The following PCDHGA9 variants were observed in gnomAD, a reference collection of about 807,000 sequenced individuals.
PCDHGA9 encodes the protein protocadherin gamma-A9.
PCDHGA9 carries 37 observed loss-of-function variants against 62.5 expected under a neutral mutation model. That is an observed-to-expected ratio of 0.59 (90% CI 0.46 to 0.78). PCDHGA9 has a LOEUF of 0.78. PCDHGA9 is among the 30% of genes least tolerant of loss of function. The probability of loss-of-function intolerance (pLI) is 0.00; values close to 1 mark genes in which losing one functional copy is unlikely to be tolerated. For synonymous variants in PCDHGA9, 459 were observed against 484.6 expected (o/e 0.95, Z 0.69); for missense variants, 1,138 against 1,166.2 (o/e 0.98, Z 0.35).
At chr5:141,497,479 G>A (rs1028715475) in intron 2 of PCDHGA9, among the ~76,000 whole-genome samples, 5 of 151,886 alleles carry the variant, frequency 3.3e-5, no homozygotes, top group Non-Finnish European at 7.4e-5. Flanking sequence ...GAGAAGGTGC[G>A]GAACCTCTCT....
intron 1 of PCDHGA9, among the ~76,000 whole-genome samples, chr5:141,435,264 T>C (rs1442193276): frequency 5.3e-5 from 8 of 152,222 alleles, no homozygotes; most frequent in Non-Finnish European, 8.8e-5. Context: ...GATATGTCCA[T>C]TTATACTTTC....
chr5:141,439,458 C>T (rs2098114160), intron 1 of PCDHGA9, among the ~76,000 whole-genome samples: 1 of 152,214 alleles, frequency 6.6e-6, no homozygotes, highest in East Asian at 1.9e-4. Flanking sequence ...AGCAAGACTG[C>T]ACTGCTGCCT....
chr5:141,409,369 C>T, intron 1 of PCDHGA9: 1 of 1,613,986 alleles, frequency 6.2e-7, no homozygotes, highest in Non-Finnish European at 8.5e-7. Flanking sequence ...TAGAAACAGA[C>T]ATTCCATTCA....
At chr5:141,422,348 A>G (rs1163115969) in intron 1 of PCDHGA9, 1 of 1,554,608 alleles carries the variant, frequency 6.4e-7, no homozygotes, top group Non-Finnish European at 8.7e-7. Context: ...AATGTGCAAG[A>G]TCAAGATTCT....
chr5:141,417,771 C>G, intron 1 of PCDHGA9: 1 of 1,456,488 alleles, frequency 6.9e-7, no homozygotes, highest in Non-Finnish European at 9.1e-7. Flanking sequence ...CGGGACTCCT[C>G]CTGTCCTGGG....
chr5:141,486,559 G>A lies in PCDHGA9; in HGVS notation c.2425-8248G>A. ...CTTTCTTTCAGAGGTCACATGAGGTGTTTGTTCCTGAGAACAATCGCCCAG... is the reference window on the plus strand; with the variant it reads ...CTTTCTTTCAGAGGTCACATGAGGTATTTGTTCCTGAGAACAATCGCCCAG... On this transcript the variant is annotated intron_variant, in intron 1 of 3. Transcript: ENST00000573521. This position sits in a 1 kb window ranked among gnomAD's most constrained non-coding sequence, Gnocchi z 5.0. 6.2e-7 allele frequency: 1 copy of A among 1,614,032 alleles called. No individual in the cohort carries two copies. Among genetic ancestry groups the A allele is most frequent in the Non-Finnish European group, 8.5e-7 (1 of 1,180,022 alleles).
At chr5:141,413,650 C>T (rs1384444202) in intron 1 of PCDHGA9, 2 of 1,613,714 alleles carry the variant, frequency 1.2e-6, no homozygotes, top group Non-Finnish European at 1.7e-6. Flanking sequence ...TTTTCCTCTC[C>T]CGGAAGCTAT....
chr5:141,500,184 T>TTTTTTTTATTTA (rs1554186429), intron 2 of PCDHGA9, among the ~76,000 whole-genome samples: 16 of 135,886 alleles, frequency 1.2e-4, no homozygotes, highest in African/African-American at 4.3e-4. Context: ...TCATTTTTAT[T>TTTTTTTTATTTA]TTTATTTATT....
chr5:141,423,323 C>A (rs200492485), intron 1 of PCDHGA9: 91 of 1,614,146 alleles, frequency 5.6e-5, no homozygotes, highest in Non-Finnish European at 4.2e-6. Flanking sequence ...GTGGCGGTGG[C>A]CGCAGTCTCC....
chr5:141,411,765 T>A (rs796485295), intron 1 of PCDHGA9: 1 of 152,418 alleles, frequency 6.6e-6, no homozygotes, highest in South Asian at 2.1e-4. Context: ...GCCTGTGGTC[T>A]CAGCTACTCT....
At chr5:141,430,642 A>C in intron 1 of PCDHGA9, 2 of 918,498 alleles carry the variant, frequency 2.2e-6, no homozygotes, top group South Asian at 5.1e-5. Flanking sequence ...CCCTGGGAGT[A>C]TGTGGAAACA....
intron 1 of PCDHGA9, among the ~76,000 whole-genome samples, chr5:141,481,300 GA>G (rs998363845): frequency 3.3e-5 from 5 of 152,248 alleles, no homozygotes; most frequent in African/African-American, 1.2e-4. Context: ...TCATCTAAGG[GA>G]AAAACCTTCC....
At position 141,489,963 on chromosome 5, in the gene PCDHGA9, C is replaced by A. The variant is rs779260164; in HGVS notation, c.2425-4844C>A. On this transcript the variant is annotated intron_variant, in intron 1 of 3. Coordinates refer to ENST00000573521, the MANE Select transcript of PCDHGA9 (RefSeq NM_018921.3). This position sits in a 1 kb window ranked among gnomAD's most constrained non-coding sequence, Gnocchi z 4.5. Reference sequence around the variant, plus strand: ...TGGACATCAATGATAATGCTCCAACCTTCCAATCCTCAGTTCTACGTGTGG... The same window carrying A: ...TGGACATCAATGATAATGCTCCAACATTCCAATCCTCAGTTCTACGTGTGG... The A allele has an allele frequency of 8.1e-6, 13 of 1,614,184 alleles. No homozygotes were observed. In the East Asian group the frequency reaches 2.2e-4, roughly 28 times the overall value.
rs2097383403 is a variant in PCDHGA9 at position 141,431,483 on chromosome 5, T to C, written c.2424+26107T>C. On this transcript the variant is annotated intron_variant, in intron 1 of 3. Coordinates refer to ENST00000573521, the MANE Select transcript of PCDHGA9 (RefSeq NM_018921.3). This position sits in a 1 kb window ranked among gnomAD's most constrained non-coding sequence, Gnocchi z 4.8. ...GGATGCGAACGACAACGCACCAGCG[T>C]TTGCTCAGCCCGAGTACCGCGCGAG... 2 of 1,613,758 alleles carry C rather than the reference T, an allele frequency of 1.2e-6. No homozygotes were observed. The highest frequency in any genetic ancestry group is 2.7e-5 in the African/African-American group (2 of 74,938).
Position 141,487,910 on chromosome 5 carries a change from C to T in PCDHGA9, c.2425-6897C>T, listed in dbSNP as rs2099668803. The T allele has an allele frequency of 3.0e-6, 2 of 661,468 alleles. No individual in the cohort carries two copies. Among genetic ancestry groups the T allele is most frequent in the Non-Finnish European group, 5.1e-6 (2 of 388,904 alleles). The allele number at this position is 661,468 out of a possible 1,614,324, so 41.0% of individuals were successfully genotyped here. ...AGCATGATGATGGAATGTGGGAGCA[C>T]AGGAGGCTACAGTGCACAGGGTACA... On this transcript the variant is annotated intron_variant, in intron 1 of 3. Transcript: ENST00000573521. The surrounding 1 kb of genome is among the most constrained non-coding windows in gnomAD (Gnocchi z 5.0).
At chr5:141,428,836 C>T (rs926107154) in intron 1 of PCDHGA9, 1 of 150,686 alleles carries the variant, frequency 6.6e-6, no homozygotes, top group African/African-American at 2.5e-5. Context: ...ATTTTTGAAA[C>T]ATTTTCACCA....
intron 1 of PCDHGA9, chr5:141,428,653 T>A (rs952656382): frequency 1.8e-5 from 3 of 167,524 alleles, no homozygotes; most frequent in Admixed American, 1.1e-4. Flanking sequence ...TCACGTGAGT[T>A]CCAATGAATG....
chr5:141,495,545 A>G (rs1174346915), intron 2 of PCDHGA9, among the ~76,000 whole-genome samples: 3 of 151,824 alleles, frequency 2.0e-5, no homozygotes, highest in Non-Finnish European at 4.4e-5. Flanking sequence ...CTCAGTCTCT[A>G]TCTCGCTTTG....
rs564197257 is a variant in PCDHGA9, at chr5:141,458,715, A to G, written c.2425-36092A>G. On this transcript the variant is annotated intron_variant, in intron 1 of 3. Coordinates refer to ENST00000573521, the MANE Select transcript of PCDHGA9 (RefSeq NM_018921.3). ...CTCCCGAGTAGCTGGGATTACAGGT[A>G]TTCGCCACCACATCCAGCTATTGGT... Among the ~76,000 whole-genome samples the G allele has an allele frequency of 3.9e-5, 6 of 152,082 alleles. No homozygotes were observed. The East Asian group carries it at 9.7e-4, about 25-fold the overall frequency.
Sources: allele counts gnomAD v4.1 joint callset (sites outside exome capture counted in the v4.1 genomes callset), GRCh38; gene constraint gnomAD v4.1.1; non-coding constraint Gnocchi (gnomAD v3.1); transcripts MANE v1.5; gene names NCBI Gene and HGNC (gene_info 2026-07-23, HGNC 2026-07-21).